The following SSC5D variants were observed in gnomAD, a reference collection of about 807,000 sequenced individuals.
SSC5D encodes soluble scavenger receptor cysteine-rich domain-containing protein SSC5D.
SSC5D carries 106 observed loss-of-function variants against 104.6 expected under a neutral mutation model. That is an observed-to-expected ratio of 1.01 (90% CI 0.87 to 1.19). The LOEUF (loss-of-function observed/expected upper bound fraction) is 1.19. Ranked by LOEUF, SSC5D falls within the 50% of genes most tolerant of loss-of-function variation. SSC5D has a pLI of 0.00. For missense variants in SSC5D, 1,993 were observed against 2,153.8 expected (o/e 0.93, Z 1.48); for synonymous variants, 860 against 883.5 (o/e 0.97, Z 0.47).
At chr19:55,513,292 A>C in intron 13 of SSC5D, 120 bp downstream of exon 13, 1 of 1,073,454 alleles carries the variant, frequency 9.3e-7, no homozygotes, top group Non-Finnish European at 1.3e-6. Flanking sequence ...ATATACCCTA[A>C]AACAAAGGGT....
chr19:55,493,993 G>GGGGGGGGGGGC, intron 7 of SSC5D, 81 bp downstream of exon 7: 1 of 247,914 alleles, frequency 4.0e-6, no homozygotes, highest in South Asian at 3.1e-5. Context: ...GGGGCGGGGG[G>GGGGGGGGGGGC]GTCCCTACGC....
chr19:55,494,851 C>G, intron 8 of SSC5D, 68 bp downstream of exon 8: 1 of 1,453,870 alleles, frequency 6.9e-7, no homozygotes. Flanking sequence ...AGCTCTGAGA[C>G]TGTCTCATGG....
In SSC5D at chr19:55,490,291, C is replaced by A; in HGVS notation, c.476-7C>A. The A allele has an allele frequency of 2.2e-6, 2 of 890,470 alleles. No homozygotes were observed. The highest frequency in any genetic ancestry group is 3.6e-6 in the Non-Finnish European group (2 of 553,590). 55.2% of individuals were successfully genotyped at this position (890,470 alleles called of 1,614,324 possible). ...AGCTCCTGACCCCTGGCTGTCTCCA[C>A]TCCCAGCCCCCCGCCCAGCTGGGAA... On this transcript the variant is annotated splice_region_variant and splice_polypyrimidine_tract_variant and intron_variant, in intron 4 of 13. Transcript: ENST00000389623.
rs1281678715 is a variant in SSC5D, at chr19:55,494,703, C to T, written c.1307C>T (p.Thr436Met). Reference sequence around the variant, plus strand: ...GCCTCCAGGCCCCCGTCCACCATGACGAGCCAGGCTCCAGGGACGGCAGGC... The same window carrying T: ...GCCTCCAGGCCCCCGTCCACCATGATGAGCCAGGCTCCAGGGACGGCAGGC... ...EAASRPPSTMTSQAPGTAGVS... is the reference protein window; with the variant it reads ...EAASRPPSTMMSQAPGTAGVS... The change falls in exon 8 of 14, where the codon ACG (threonine) becomes ATG (methionine). Residue 436 changes from threonine (T) to methionine (M), a missense_variant. By Grantham distance (81) the Thr-to-Met change is moderately conservative (BLOSUM62 -1). Around this residue, in one of 6 missense-constraint regions of SSC5D, gnomAD observed 1,101 missense variants for 1,085.0 expected, o/e 1.01. Transcript: ENST00000389623. 1.3e-6 allele frequency: 2 copies of T among 1,550,600 alleles called. No homozygotes were observed. The highest frequency in any genetic ancestry group is 2.0e-5 in the Admixed American group (1 of 50,962).
chr19:55,504,359 C>T (rs1179471222), intron 12 of SSC5D: 6 of 1,379,228 alleles, frequency 4.4e-6, no homozygotes, highest in Non-Finnish European at 5.6e-6. Context: ...ATGTGTGCCA[C>T]CTTATCAATA....
Position 55,499,961 on chromosome 19 carries a change from C to T in SSC5D, c.1851C>T (p.Thr617=). The T allele has an allele frequency of 6.4e-7, 1 of 1,551,948 alleles. No homozygotes were observed. Among genetic ancestry groups the T allele is most frequent in the South Asian group, 1.2e-5 (1 of 84,064 alleles). Residue 617 remains threonine (T), a synonymous_variant, in exon 10 of 14, where the codon ACC becomes ACT. Transcript: ENST00000389623. ...SVTASVLEKT[T]TKAPGKMPKS... ...CTGCCAGTGTTCTGGAGAAAACAACCACGAAGGCCCCAGGGAAAATGCCTA... is the reference window on the plus strand; with the variant it reads ...CTGCCAGTGTTCTGGAGAAAACAACTACGAAGGCCCCAGGGAAAATGCCTA...
rs1472949208 is a variant in SSC5D at position 55,500,838 on chromosome 19, G to A, written c.2617+34G>A. 36 of 1,531,582 alleles carry A rather than the reference G, an allele frequency of 2.4e-5. No homozygotes were observed. The highest frequency in any genetic ancestry group is 2.8e-5 in the African/African-American group (2 of 72,568). 94.9% of individuals were successfully genotyped at this position (1,531,582 alleles called of 1,614,324 possible). Reference sequence around the variant, plus strand: ...GCATGGCGGCGGTGGTGGGGTTGTCGGGGGTGGCCAGGAGAATGGAGTCAG... The same window carrying A: ...GCATGGCGGCGGTGGTGGGGTTGTCAGGGGTGGCCAGGAGAATGGAGTCAG... On this transcript the variant is annotated intron_variant, in intron 11 of 13. Coordinates refer to ENST00000389623, the MANE Select transcript of SSC5D (RefSeq NM_001144950.2). This position sits in a 1 kb window ranked among gnomAD's most constrained non-coding sequence, Gnocchi z 4.6.
At chr19:55,502,612 T>C (rs979211991) in intron 12 of SSC5D, among the ~76,000 whole-genome samples, 1 of 152,148 alleles carries the variant, frequency 6.6e-6, no homozygotes, top group African/African-American at 2.4e-5. Context: ...CTTTCAGATC[T>C]CACCTTCACC....
intron 8 of SSC5D, among the ~76,000 whole-genome samples, chr19:55,497,438 T>C (rs1025120422): frequency 6.6e-6 from 1 of 152,238 alleles, no homozygotes; most frequent in Non-Finnish European, 1.5e-5. Context: ...GTGACATTCA[T>C]GTAACATAAA....
rs777281894 is a variant in SSC5D at position 55,517,410 on chromosome 19, C to T, written c.3134C>T (p.Pro1045Leu). The T allele has an allele frequency of 2.1e-5, 32 of 1,550,852 alleles. No homozygotes were observed. In the Admixed American group the frequency reaches 5.7e-4, roughly 28 times the overall value. The change falls in exon 14 of 14, where the codon CCG becomes CTG. Residue 1045 changes from proline to leucine, a missense_variant. Physicochemically the swap from Pro to Leu is moderately conservative, Grantham distance 98. Coordinates refer to ENST00000389623, the MANE Select transcript of SSC5D (RefSeq NM_001144950.2). ...ALTSEATSDA[P>L]DTSPPTPDPA... ...ACGTCCGAGGCGACCTCTGACGCTC[C>T]GGACACTTCACCACCCACCCCAGAC...
In SSC5D at chr19:55,515,758, G is replaced by T. The variant is rs147201461; in HGVS notation, c.2948-1466G>T. Among the ~76,000 whole-genome samples the T allele has an allele frequency of 1.2e-3, 176 of 151,584 alleles. 1 individual carries two copies. Among genetic ancestry groups the T allele is most frequent in the African/African-American group, 2.9e-3 (119 of 41,240 alleles). On this transcript the variant is annotated intron_variant, in intron 13 of 13. Coordinates refer to ENST00000389623, the MANE Select transcript of SSC5D (RefSeq NM_001144950.2). ...AAAAAAAAAATAAAATAAAATAAAA[G>T]AAAATGAAACATTTAGTTTCTCATT...
chr19:55,489,689 G>C (rs775266336), intron 3 of SSC5D, 27 bp downstream of exon 3: 12 of 1,524,096 alleles, frequency 7.9e-6, no homozygotes, highest in South Asian at 4.9e-5. Flanking sequence ...TGCTCCTTCA[G>C]GGGGAGCTCC....
chr19:55,507,684 A>AAAAAG (rs1299687588), intron 12 of SSC5D, among the ~76,000 whole-genome samples: 1 of 151,164 alleles, frequency 6.6e-6, no homozygotes, highest in East Asian at 1.9e-4. Flanking sequence ...AAAAAAAAAA[A>AAAAAG]AAAAGAAAAA....
In SSC5D at chr19:55,499,898, C is replaced by A; in HGVS notation, c.1788C>A (p.Leu596=). Residue 596 remains leucine (L), a synonymous_variant, in exon 10 of 14, where the codon CTC becomes CTA. Transcript: ENST00000389623. ...TGGGGAGAGATCGGGATGCCTGGCTCCCGGGAGAGCTGGCCACCAAGCCCT... is the reference window on the plus strand; with the variant it reads ...TGGGGAGAGATCGGGATGCCTGGCTACCGGGAGAGCTGGCCACCAAGCCCT... ...PGLGRDRDAW[L]PGELATKPSA... 6.4e-7 allele frequency: 1 copy of A among 1,551,692 alleles called. No homozygotes were observed. The highest frequency in any genetic ancestry group is 8.7e-7 in the Non-Finnish European group (1 of 1,146,988).
At position 55,517,524 on chromosome 19, in the gene SSC5D, C is replaced by G; in HGVS notation, c.3248C>G (p.Thr1083Ser). The change falls in exon 14 of 14, where the codon ACC (threonine) becomes AGC (serine). Residue 1083 changes from threonine (T) to serine (S), a missense_variant. Thr to Ser is a moderately conservative substitution (Grantham distance 58). Around this residue, in one of 6 missense-constraint regions of SSC5D, gnomAD observed 423 missense variants for 409.2 expected, o/e 1.03. Transcript: ENST00000389623. ...GACTCCAGTGTGGTTCCCGCGTTGACCCCGGAGCCCTCACCCACGCCCTTA... is the reference window on the plus strand; with the variant it reads ...GACTCCAGTGTGGTTCCCGCGTTGAGCCCGGAGCCCTCACCCACGCCCTTA... ...TPDSSVVPALTPEPSPTPLPT... is the reference protein window; with the variant it reads ...TPDSSVVPALSPEPSPTPLPT... 6.4e-7 allele frequency: 1 copy of G among 1,551,482 alleles called. No homozygotes were observed. The highest frequency in any genetic ancestry group is 8.7e-7 in the Non-Finnish European group (1 of 1,147,020).
chr19:55,515,531 G>A (rs1398349644), intron 13 of SSC5D, among the ~76,000 whole-genome samples: 2 of 151,780 alleles, frequency 1.3e-5, no homozygotes, highest in Non-Finnish European at 2.9e-5. Context: ...AGGAGATCGC[G>A]ACCGTCCTGG....
At chr19:55,490,658 G>A in intron 5 of SSC5D, 114 bp from the exon 6 acceptor site, 1 of 1,265,474 alleles carries the variant, frequency 7.9e-7, no homozygotes, top group Non-Finnish European at 1.1e-6. Context: ...GCTGCCGGCG[G>A]ACAGATCTCA....
intron 12 of SSC5D, among the ~76,000 whole-genome samples, chr19:55,506,562 T>G (rs1987641565): frequency 6.6e-6 from 1 of 151,630 alleles, no homozygotes; most frequent in Non-Finnish European, 1.5e-5. Flanking sequence ...GCCCGGCTAA[T>G]TTTTTGTATT....
rs182411096 is a variant in SSC5D, at chr19:55,509,366, G to A, written c.2786-3645G>A. ...CCATACAGCAATTCCACAACGAGGC[G>A]TCGAGAAATTCTCGCCCATGAGCCT... On this transcript the variant is annotated intron_variant, in intron 12 of 13. Coordinates refer to ENST00000389623, the MANE Select transcript of SSC5D (RefSeq NM_001144950.2). Among the ~76,000 whole-genome samples the A allele has an allele frequency of 1.6e-4, 25 of 152,168 alleles. No individual in the cohort carries two copies. In the East Asian group the frequency reaches 4.4e-3, roughly 27 times the overall value.
Sources: gnomAD v4.1 joint callset for allele counts (sites outside exome capture counted in the v4.1 genomes callset) on GRCh38, gnomAD v4.1.1 for gene constraint, gnomAD v4.1.1 regional missense constraint, Gnocchi (gnomAD v3.1) non-coding constraint, MANE v1.5 for transcripts, NCBI Gene and HGNC (gene_info 2026-07-23, HGNC 2026-07-21) for gene names.